CNTN5: variants seen among roughly 807,000 people sequenced by gnomAD.
CNTN5 encodes the protein contactin-5.
CNTN5 carries 77 observed loss-of-function variants against 129.1 expected under a neutral mutation model. That is an observed-to-expected ratio of 0.60 (90% confidence interval 0.50 to 0.72). The LOEUF (loss-of-function observed/expected upper bound fraction) is 0.72, where lower values mean the gene tolerates loss of function less well. Among genes scored for constraint, CNTN5 ranks in the 30% least tolerant of loss-of-function variants. CNTN5 has a pLI of 0.00. For missense variants in CNTN5, 1,478 were observed against 1,328.8 expected (o/e 1.11, Z -1.75); for synonymous variants, 509 against 465.6 (o/e 1.09, Z -1.20).
intron 9 of CNTN5, among the ~76,000 whole-genome samples, chr11:100,056,557 A>C (rs1253120761): frequency 1.3e-5 from 2 of 151,678 alleles, no homozygotes; most frequent in Non-Finnish European, 3.0e-5. Context: ...GATAATTACA[A>C]CTCTAAAAAT....
chr11:99,339,697 G>C (rs906621031), intron 2 of CNTN5, among the ~76,000 whole-genome samples: 1 of 152,012 alleles, frequency 6.6e-6, no homozygotes, highest in South Asian at 2.1e-4. Flanking sequence ...TAGGAGAATG[G>C]CGTGAACCCA....
At chr11:100,295,489 A>T (rs1209443139) in intron 18 of CNTN5, among the ~76,000 whole-genome samples, 1 of 151,444 alleles carries the variant, frequency 6.6e-6, no homozygotes, top group Non-Finnish European at 1.5e-5. Flanking sequence ...AAAAATCTAA[A>T]TTGGTAAATT....
chr11:99,683,115 TTTAC>T (rs1247671581), intron 3 of CNTN5, among the ~76,000 whole-genome samples: 2 of 151,922 alleles, frequency 1.3e-5, no homozygotes. Context: ...GACTAGTATT[TTTAC>T]TTCTACAGTA....
At chr11:99,877,809 C>T (rs1948672949) in intron 6 of CNTN5, among the ~76,000 whole-genome samples, 1 of 152,094 alleles carries the variant, frequency 6.6e-6, no homozygotes. Context: ...GTTCATATTG[C>T]CTATTGACTT....
intron 1 of CNTN5, among the ~76,000 whole-genome samples, chr11:99,300,049 C>T (rs921678395): frequency 1.3e-5 from 2 of 152,046 alleles, no homozygotes; most frequent in Non-Finnish European, 2.9e-5. Context: ...GCATCCTTGC[C>T]AACATTTGTT....
chr11:99,364,414 G>C (rs773485709), intron 2 of CNTN5, among the ~76,000 whole-genome samples: 1 of 152,080 alleles, frequency 6.6e-6, no homozygotes, highest in African/African-American at 2.4e-5. Context: ...AGTACACACA[G>C]TGTTGTTTAA....
rs147496359 is a variant in CNTN5 at position 100,067,560 on chromosome 11, A to G, written c.1163-2864A>G. On this transcript the variant is annotated intron_variant, in intron 10 of 24. Coordinates refer to ENST00000524871, the MANE Select transcript of CNTN5 (RefSeq NM_014361.4). ...ACACATAACAACATAGTTTGGTACA[A>G]AAGATTCACACACAAGGTACAGTGT... Among the ~76,000 whole-genome samples the G allele has an allele frequency of 7.3e-3, 1,115 of 152,158 alleles. 14 individuals are homozygous for G. Among genetic ancestry groups the G allele is most frequent in the African/African-American group, 0.025 (1,042 of 41,542 alleles).
intron 3 of CNTN5, among the ~76,000 whole-genome samples, chr11:99,580,747 G>T (rs1439439264): frequency 3.5e-5 from 5 of 142,824 alleles, no homozygotes; most frequent in African/African-American, 1.3e-4. Flanking sequence ...CTTGCTAACG[G>T]TCTATCAATT....
chr11:99,777,360 G>T (rs1945159479), intron 3 of CNTN5, among the ~76,000 whole-genome samples: 2 of 151,882 alleles, frequency 1.3e-5, no homozygotes, highest in South Asian at 2.1e-4. Flanking sequence ...TGTTCAGGTT[G>T]TTTTTTGCAT....
At chr11:99,977,276 C>A (rs952374992) in intron 8 of CNTN5, among the ~76,000 whole-genome samples, 2 of 152,192 alleles carry the variant, frequency 1.3e-5, no homozygotes, top group African/African-American at 4.8e-5. Context: ...TTCATCAAGT[C>A]TCCAGGAAGT....
At position 100,340,563 on chromosome 11, in the gene CNTN5, C is replaced by T. The variant is rs777896794; in HGVS notation, c.2831C>T (p.Thr944Met). 3.7e-5 allele frequency: 59 copies of T among 1,612,898 alleles called. No homozygotes were observed. The highest frequency in any genetic ancestry group is 4.2e-5 in the Non-Finnish European group (50 of 1,179,390). ...FVILTGLEGN[T>M]LYHFTVRAYN... ...ATCCTAACAGGATTAGAAGGAAATA[C>T]GTTATATCACTTCACAGTGAGGGCT... Residue 944 changes from threonine to methionine, a missense_variant, in exon 22 of 25, where the codon ACG (threonine) becomes ATG (methionine). Physicochemically the swap from Thr to Met is moderately conservative, Grantham distance 81. Transcript: ENST00000524871.
intron 1 of CNTN5, among the ~76,000 whole-genome samples, chr11:99,207,989 G>T (rs1167694305): frequency 6.6e-6 from 1 of 151,998 alleles, no homozygotes; most frequent in African/African-American, 2.4e-5. Flanking sequence ...ATTAAATCTC[G>T]GCTTAGTTTC....
At chr11:100,000,771 C>G (rs1939814475) in intron 8 of CNTN5, among the ~76,000 whole-genome samples, 1 of 152,212 alleles carries the variant, frequency 6.6e-6, no homozygotes, top group African/African-American at 2.4e-5. Context: ...CCCTTGAAAT[C>G]TAGGAAGAGG....
intron 3 of CNTN5, among the ~76,000 whole-genome samples, chr11:99,730,517 C>A (rs920084024): frequency 2.6e-5 from 4 of 152,154 alleles, no homozygotes; most frequent in African/African-American, 9.7e-5. Flanking sequence ...TTTACAAAAT[C>A]ATTCAATGAG....
At chr11:99,778,342 A>AGGG (rs1945197311) in intron 3 of CNTN5, among the ~76,000 whole-genome samples, 1 of 151,666 alleles carries the variant, frequency 6.6e-6, no homozygotes, top group Non-Finnish European at 1.5e-5. Context: ...CTATGACATC[A>AGGG]CCTTACTCTA....
chr11:99,780,634 A>G (rs1465502956), intron 3 of CNTN5, among the ~76,000 whole-genome samples: 1 of 152,202 alleles, frequency 6.6e-6, no homozygotes, highest in East Asian at 1.9e-4. Context: ...GACAATATTA[A>G]AATTTTAAGA....
intron 1 of CNTN5, among the ~76,000 whole-genome samples, chr11:99,289,654 G>A (rs1184708143): frequency 6.6e-6 from 1 of 151,682 alleles, no homozygotes; most frequent in Non-Finnish European, 1.5e-5. Context: ...TCCTTTTCCA[G>A]AGCAGCTTTT....
At chr11:99,278,508 A>G (rs943948065) in intron 1 of CNTN5, among the ~76,000 whole-genome samples, 2 of 151,888 alleles carry the variant, frequency 1.3e-5, no homozygotes. Context: ...TAAGTTTGGT[A>G]TAAAATAATA....
At chr11:99,416,135 C>A (rs1942645154) in intron 2 of CNTN5, among the ~76,000 whole-genome samples, 2 of 152,220 alleles carry the variant, frequency 1.3e-5, no homozygotes, top group African/African-American at 4.8e-5. Flanking sequence ...TGAATATTAG[C>A]AAATGCTATA....
Sources: gnomAD v4.1 joint callset for allele counts (sites outside exome capture counted in the v4.1 genomes callset) on GRCh38, gnomAD v4.1.1 for gene constraint, MANE v1.5 for transcripts, NCBI Gene and HGNC (gene_info 2026-07-23, HGNC 2026-07-21) for gene names.